ZNF670: variants seen among roughly 807,000 people sequenced by gnomAD.
The protein encoded by ZNF670 is zinc finger protein 670.
ZNF670 carries 7 observed loss-of-function variants against 10.9 expected under a neutral mutation model. The ratio of observed to expected loss-of-function variants is 0.64; its 90% CI spans 0.36 to 1.20. ZNF670 has a LOEUF of 1.20. Among genes scored for constraint, ZNF670 ranks in the 50% most tolerant of loss-of-function variants. The pLI, the probability that ZNF670 is intolerant of heterozygous loss-of-function variation, is 0.02. For synonymous variants in ZNF670, 136 were observed against 152.7 expected (o/e 0.89, Z 0.81); for missense variants, 446 against 458.6 (o/e 0.97, Z 0.25).
chr1:247,057,307 C>T (rs906865022), intron 1 of ZNF670, among the ~76,000 whole-genome samples: 3 of 152,144 alleles, frequency 2.0e-5, no homozygotes, highest in African/African-American at 7.2e-5. Context: ...TGAGATATCT[C>T]ATTCCCATTA....
chr1:247,060,370 AG>A (rs2103065306), intron 1 of ZNF670, among the ~76,000 whole-genome samples: 1 of 152,354 alleles, frequency 6.6e-6, no homozygotes, highest in South Asian at 2.1e-4. Flanking sequence ...TCAACAGAAA[AG>A]GTCTGGTCTC....
chr1:247,047,224 C>T (rs1369988578), intron 1 of ZNF670, among the ~76,000 whole-genome samples: 8 of 152,250 alleles, frequency 5.3e-5, no homozygotes, highest in African/African-American at 1.9e-4. Context: ...GGCAGTGCCT[C>T]AATGGGAGCT....
rs571570090 is a variant in ZNF670, at chr1:247,069,450, A to C, written c.3+9144T>G. On this transcript the variant is annotated intron_variant, in intron 1 of 3. Coordinates refer to ENST00000366503, the MANE Select transcript of ZNF670 (RefSeq NM_033213.5). ...AACAGTTTGAAGGTCTTTCAAAAAA[A>C]AACTAAAAAGAAACCTGCCATATGA... Among the ~76,000 whole-genome samples, 23 of 151,266 alleles carry C rather than the reference A, an allele frequency of 1.5e-4. 1 individual carries two copies. The highest frequency in any genetic ancestry group is 5.7e-4 in the African/African-American group (23 of 40,576).
At chr1:247,077,724 C>T (rs897524413) in intron 1 of ZNF670, among the ~76,000 whole-genome samples, 4 of 152,184 alleles carry the variant, frequency 2.6e-5, no homozygotes, top group African/African-American at 9.6e-5. Flanking sequence ...GGTTTTACTA[C>T]AAGCCCCAGA....
intron 1 of ZNF670, among the ~76,000 whole-genome samples, chr1:247,072,125 G>A (rs1039269645): frequency 6.6e-6 from 1 of 150,938 alleles, no homozygotes; most frequent in African/African-American, 2.4e-5. Flanking sequence ...CCAAAGTGCT[G>A]GGATTACAGG....
At chr1:247,047,334 C>T (rs1019371946) in intron 1 of ZNF670, among the ~76,000 whole-genome samples, 2 of 152,036 alleles carry the variant, frequency 1.3e-5, no homozygotes, top group South Asian at 2.1e-4. Flanking sequence ...CCTAGACATC[C>T]GTGTATTTCC....
chr1:247,037,601 T>G lies in ZNF670; in HGVS notation c.1018A>C (p.Lys340Gln). Residue 340 changes from lysine to glutamine, a missense_variant, in exon 4 of 4, where the codon AAG becomes CAG. By Grantham distance (53) the Lys-to-Gln change is moderately conservative. Coordinates refer to ENST00000366503, the MANE Select transcript of ZNF670 (RefSeq NM_033213.5). ...GAAGTAAACGACTTACCACATTCCT[T>G]ACATCCATAAGGTTTCACTCCAGTG... ...THTGVKPYGC[K>Q]ECGKSFTSSS... 6.2e-7 allele frequency: 1 copy of G among 1,614,158 alleles called. No homozygotes were observed. The highest frequency in any genetic ancestry group is 8.5e-7 in the Non-Finnish European group (1 of 1,180,012).
chr1:247,039,608 A>T, intron 1 of ZNF670, 71 bp from the exon 2 acceptor site: 1 of 1,391,588 alleles, frequency 7.2e-7, no homozygotes, highest in Non-Finnish European at 9.4e-7. Context: ...TACTCATCTC[A>T]TAAAATCGTA....
intron 1 of ZNF670, among the ~76,000 whole-genome samples, chr1:247,044,592 G>C (rs1241758892): frequency 6.6e-6 from 1 of 152,142 alleles, no homozygotes; most frequent in Non-Finnish European, 1.5e-5. Context: ...TTTTTAAAAA[G>C]TGGTACATAT....
chr1:247,058,319 C>A (rs986585387), intron 1 of ZNF670, among the ~76,000 whole-genome samples: 12 of 152,108 alleles, frequency 7.9e-5, no homozygotes, highest in Non-Finnish European at 1.5e-4. Context: ...AATTTAAATA[C>A]TTCAAAGGAA....
intron 1 of ZNF670, among the ~76,000 whole-genome samples, chr1:247,069,443 C>CAA (rs34252176): frequency 1.3e-5 from 2 of 149,542 alleles, no homozygotes; most frequent in African/African-American, 2.5e-5. Flanking sequence ...GAAGGTCTTT[C>CAA]AAAAAAAAAC....
rs145080324 is a variant in ZNF670, at chr1:247,070,955, A to T, written c.3+7639T>A. On this transcript the variant is annotated intron_variant, in intron 1 of 3. Coordinates refer to ENST00000366503, the MANE Select transcript of ZNF670 (RefSeq NM_033213.5). ...TCCAGTCAGAATAACTATTACAAAA[A>T]AGTCAGAAAATAACAGATGTTTGCG... Among the ~76,000 whole-genome samples the T allele has an allele frequency of 3.9e-3, 593 of 152,340 alleles. 3 individuals carry two copies. The highest frequency in any genetic ancestry group is 0.013 in the African/African-American group (531 of 41,572).
chr1:247,071,758 T>C (rs1671120221), intron 1 of ZNF670, among the ~76,000 whole-genome samples: 1 of 152,246 alleles, frequency 6.6e-6, no homozygotes. Flanking sequence ...ATTTGAGTTA[T>C]CTATTTTGAA....
intron 1 of ZNF670, among the ~76,000 whole-genome samples, chr1:247,067,435 C>CAAA (rs61363241): frequency 7.8e-5 from 6 of 77,208 alleles, no homozygotes; most frequent in Non-Finnish European, 1.3e-4. Flanking sequence ...GATCCCGTCT[C>CAAA]AAAAAAAAAA....
chr1:247,067,866 A>AG (rs1671026208), intron 1 of ZNF670, among the ~76,000 whole-genome samples: 2 of 145,160 alleles, frequency 1.4e-5, no homozygotes, highest in Non-Finnish European at 3.0e-5. Flanking sequence ...AAAAAAAAAA[A>AG]GCTCCAGCAC....
intron 1 of ZNF670, among the ~76,000 whole-genome samples, chr1:247,066,255 C>T (rs1198711358): frequency 6.6e-6 from 1 of 152,176 alleles, no homozygotes; most frequent in African/African-American, 2.4e-5. Flanking sequence ...GAACCCCACC[C>T]AGGATTGCTG....
intron 1 of ZNF670, among the ~76,000 whole-genome samples, chr1:247,040,856 C>T (rs1670288531): frequency 6.6e-6 from 1 of 151,986 alleles, no homozygotes; most frequent in Non-Finnish European, 1.5e-5. Context: ...TCACCACGCC[C>T]AGCTGATTTT....
chr1:247,040,609 A>T (rs74155744), intron 1 of ZNF670, among the ~76,000 whole-genome samples: 1,984 of 152,326 alleles, frequency 0.013, 41 homozygotes, highest in African/African-American at 0.046. Context: ...AATATTCAGG[A>T]CAGTATTAAT....
Position 247,037,938 on chromosome 1 carries a change from A to C in ZNF670, c.681T>G (p.Cys227Trp). 6.2e-7 allele frequency: 1 copy of C among 1,613,962 alleles called. No individual in the cohort carries two copies. Among genetic ancestry groups the C allele is most frequent in the Non-Finnish European group, 8.5e-7 (1 of 1,179,976 alleles). The change falls in exon 4 of 4, where the codon TGT becomes TGG. Residue 227 changes from cysteine to tryptophan, a missense_variant. Transcript: ENST00000366503. Reference sequence around the variant, plus strand: ...AAGTGAATGATTTACCACATTTCTTACATGCATAGGGTTTCTCTCCAGTAT... The same window carrying C: ...AAGTGAATGATTTACCACATTTCTTCCATGCATAGGGTTTCTCTCCAGTAT... ...RTHTGEKPYA[C>W]KKCGKSFTFS...
Sources: gnomAD v4.1 joint callset for allele counts (sites outside exome capture counted in the v4.1 genomes callset) on GRCh38, gnomAD v4.1.1 for gene constraint, MANE v1.5 for transcripts, NCBI Gene and HGNC (gene_info 2026-07-23, HGNC 2026-07-21) for gene names.